Variants in ARHGEF10 observed in about 807,000 individuals in gnomAD.
The protein encoded by ARHGEF10 is Rho guanine nucleotide exchange factor 10.
A neutral mutation model predicts 147.4 loss-of-function variants in ARHGEF10; 140 were observed. The ratio of observed to expected loss-of-function variants is 0.95; its 90% CI spans 0.83 to 1.09. The LOEUF (loss-of-function observed/expected upper bound fraction) is 1.09. Ranked by LOEUF, ARHGEF10 falls within the 50% of genes least tolerant of loss-of-function variation. The pLI is 0.00. For synonymous variants in ARHGEF10, 902 were observed against 695.8 expected (o/e 1.30, Z -4.67); for missense variants, 2,222 against 1,752.7 (o/e 1.27, Z -4.78).
intron 11 of ARHGEF10, among the ~76,000 whole-genome samples, chr8:1,886,456 G>A (rs1029258105): frequency 6.6e-6 from 1 of 152,212 alleles, no homozygotes; most frequent in African/African-American, 2.4e-5. Context: ...AAACAACACA[G>A]AAATGCTTAG....
intron 15 of ARHGEF10, among the ~76,000 whole-genome samples, chr8:1,900,777 G>A (rs974645881): frequency 9.2e-5 from 14 of 152,162 alleles, no homozygotes; most frequent in African/African-American, 3.4e-4. Context: ...AAGATTCAGT[G>A]TGCTCTTCCA....
rs1563165671 is a variant in ARHGEF10, at chr8:1,844,437, G to GGGGCCTGGTAGAT, written c.37+1002_37+1003insGGCCTGGTAGATG. Among the ~76,000 whole-genome samples, 14 of 113,816 alleles carry GGGGCCTGGTAGAT rather than the reference G, an allele frequency of 1.2e-4. 2 individuals carry two copies. The highest frequency in any genetic ancestry group is 4.0e-4 in the Admixed American group (4 of 9,880). The allele number at this position is 113,816 out of a possible 152,430, so 74.7% of individuals were successfully genotyped here. ...AATCCAGGGGTCACCGGGGCCTGCTGGACGACAGAGACGGGAGAATCCAGG... is the reference window on the plus strand; with the variant it reads ...AATCCAGGGGTCACCGGGGCCTGCTGGGGCCTGGTAGATGACGACAGAGACGGGAGAATCCAGG... On this transcript the variant is annotated intron_variant, in intron 2 of 28. Transcript: ENST00000349830.
chr8:1,838,867 G>A (rs1803750796), intron 1 of ARHGEF10, among the ~76,000 whole-genome samples: 1 of 151,986 alleles, frequency 6.6e-6, no homozygotes, highest in Non-Finnish European at 1.5e-5. Flanking sequence ...TGTGGGGACT[G>A]TCCAGCGTGG....
At chr8:1,884,357 C>T (rs1808475658) in intron 10 of ARHGEF10, among the ~76,000 whole-genome samples, 1 of 150,706 alleles carries the variant, frequency 6.6e-6, no homozygotes. Flanking sequence ...GATTGCGCCA[C>T]TGCACTCCAG....
rs2129174289 is a variant in ARHGEF10 at position 1,903,259 on chromosome 8, ACCT to A, written c.1651-20_1651-18del. 1.2e-6 allele frequency: 2 copies of A among 1,613,658 alleles called. No homozygotes were observed. The highest frequency in any genetic ancestry group is 2.2e-5 in the East Asian group (1 of 44,850). On this transcript the variant is annotated intron_variant, in intron 15 of 28. Transcript: ENST00000349830. ...GGGAGTGTCCACGTGGTAACTGCCCACCTCTCCCCTGTTGCTTGTAGGACATGC... is the reference window on the plus strand; with the variant it reads ...GGGAGTGTCCACGTGGTAACTGCCCACTCCCCTGTTGCTTGTAGGACATGC...
intron 2 of ARHGEF10, among the ~76,000 whole-genome samples, chr8:1,850,579 G>A (rs1805054702): frequency 6.7e-6 from 1 of 150,014 alleles, no homozygotes; most frequent in Non-Finnish European, 1.5e-5. Context: ...ATGCTGAGGA[G>A]GGCCGGGTGC....
chr8:1,948,968 A>G lies in ARHGEF10; in HGVS notation c.3397+3313A>G, dbSNP rs189778006. On this transcript the variant is annotated intron_variant, in intron 27 of 28. Transcript: ENST00000349830. This position sits in a 1 kb window ranked among gnomAD's most constrained non-coding sequence, Gnocchi z 4.9. ...CTCTGTGCTCTGTTCGCACACACACAAAACCTTCATTCTAGAGTTGTATTC... is the reference window on the plus strand; with the variant it reads ...CTCTGTGCTCTGTTCGCACACACACGAAACCTTCATTCTAGAGTTGTATTC... 7.6e-4 allele frequency among the ~76,000 whole-genome samples: 116 copies of G among 152,280 alleles called. 1 individual carries two copies. In the Middle Eastern group the frequency reaches 0.014, roughly 18 times the overall value.
At chr8:1,940,206 T>C (rs548410076) in intron 26 of ARHGEF10, among the ~76,000 whole-genome samples, 2 of 152,186 alleles carry the variant, frequency 1.3e-5, no homozygotes, top group Non-Finnish European at 2.9e-5. Context: ...TACGCCACGG[T>C]TGTTTGTTTT....
intron 25 of ARHGEF10, among the ~76,000 whole-genome samples, chr8:1,931,969 T>C (rs567764397): frequency 4.6e-4 from 70 of 152,314 alleles, no homozygotes; most frequent in African/African-American, 1.6e-3. Context: ...GGCCATCGTG[T>C]CATTGATCTT....
intron 3 of ARHGEF10, among the ~76,000 whole-genome samples, chr8:1,859,071 G>C (rs928517688): frequency 2.0e-5 from 3 of 149,698 alleles, no homozygotes; most frequent in Non-Finnish European, 3.0e-5. Context: ...TTGGTTGTTT[G>C]CACGGTGTTT....
At chr8:1,846,540 A>T (rs1025612779) in intron 2 of ARHGEF10, among the ~76,000 whole-genome samples, 1 of 151,966 alleles carries the variant, frequency 6.6e-6, no homozygotes, top group African/African-American at 2.4e-5. Context: ...TTTTCCCCAT[A>T]TTTCTTTTCT....
rs937633518 is a variant in ARHGEF10, at chr8:1,824,347, G to T, written c.-48+234G>T. Among the ~76,000 whole-genome samples, 229 of 152,098 alleles carry T rather than the reference G, an allele frequency of 1.5e-3. 1 individual carries two copies. Among genetic ancestry groups the T allele is most frequent in the African/African-American group, 5.3e-3 (222 of 41,498 alleles). ...ATAACGGCGCGGGCCTGGGCGGGGG[G>T]AGCAGGGACTGGCAGCAGGGACCCC... On this transcript the variant is annotated intron_variant, in intron 1 of 28. Coordinates refer to ENST00000349830, the MANE Select transcript of ARHGEF10 (RefSeq NM_014629.4).
intron 10 of ARHGEF10, among the ~76,000 whole-genome samples, chr8:1,884,686 G>A (rs995974799): frequency 6.6e-6 from 1 of 152,160 alleles, no homozygotes; most frequent in Non-Finnish European, 1.5e-5. Context: ...TCATCTAAAA[G>A]TGCCTGTGCT....
At chr8:1,912,174 G>A (rs1401353173) in intron 18 of ARHGEF10, among the ~76,000 whole-genome samples, 1 of 151,982 alleles carries the variant, frequency 6.6e-6, no homozygotes, top group African/African-American at 2.4e-5. Context: ...AAAGCGCCGT[G>A]TCGATTGTGT....
At position 1,880,156 on chromosome 8, in the gene ARHGEF10, G is replaced by T; in HGVS notation, c.952G>T (p.Glu318Ter). The change falls in exon 9 of 29, where the codon GAA (glutamate) becomes TAA (stop). Residue 318 changes from glutamate to a stop codon, truncating the protein, a stop_gained. Transcript: ENST00000349830. LOFTEE classifies it high-confidence loss of function. ...VEIQQLRQKHELKMQKLVKAA... is the reference protein window; with the variant it reads ...VEIQQLRQKH ...GATTCAGCAGCTCAGGCAGAAGCAT[G>T]AACTGAAGGTAGAGTCTTGCCCCCG... is the stretch of plus-strand genomic sequence containing the variant. 1.2e-6 allele frequency: 2 copies of T among 1,612,622 alleles called. No homozygotes were observed. The highest frequency in any genetic ancestry group is 1.7e-6 in the Non-Finnish European group (2 of 1,178,698).
intron 17 of ARHGEF10, among the ~76,000 whole-genome samples, chr8:1,908,021 G>A (rs1014644840): frequency 4.6e-5 from 7 of 152,118 alleles, no homozygotes; most frequent in Admixed American, 2.0e-4. Flanking sequence ...TCTAATTCAC[G>A]GAACACAACC....
At chr8:1,834,354 C>A (rs139851678) in intron 1 of ARHGEF10, among the ~76,000 whole-genome samples, 2 of 152,264 alleles carry the variant, frequency 1.3e-5, no homozygotes, top group South Asian at 4.1e-4. Flanking sequence ...GAAGATCCCA[C>A]GGAGACGGTC....
intron 4 of ARHGEF10, among the ~76,000 whole-genome samples, chr8:1,861,118 G>A (rs771636714): frequency 6.6e-6 from 1 of 152,222 alleles, no homozygotes; most frequent in Non-Finnish European, 1.5e-5. Context: ...TCCGGTCTCT[G>A]TGTCCTCAGC....
At chr8:1,826,356 GT>G (rs1256833265) in intron 1 of ARHGEF10, among the ~76,000 whole-genome samples, 2 of 150,136 alleles carry the variant, frequency 1.3e-5, no homozygotes, top group Non-Finnish European at 2.9e-5. Flanking sequence ...TTGTGTATGT[GT>G]TTGTGTTTGT....
Sources: gnomAD v4.1 joint callset for allele counts (sites outside exome capture counted in the v4.1 genomes callset) on GRCh38, gnomAD v4.1.1 for gene constraint, Gnocchi (gnomAD v3.1) non-coding constraint, MANE v1.5 for transcripts, NCBI Gene and HGNC (gene_info 2026-07-23, HGNC 2026-07-21) for gene names.